The following TMEM178B variants were observed in gnomAD, a reference collection of about 807,000 sequenced individuals.
The protein encoded by TMEM178B is transmembrane protein 178B.
A neutral mutation model predicts 31.0 loss-of-function variants in TMEM178B; 5 were observed. The ratio of observed to expected loss-of-function variants is 0.16; its 90% confidence interval spans 0.08 to 0.34. The LOEUF is 0.34. TMEM178B is among the 10% of genes least tolerant of loss of function. The probability of loss-of-function intolerance (pLI) is 1.00; values close to 1 mark genes in which losing one functional copy is unlikely to be tolerated. For missense variants in TMEM178B, 275 were observed against 400.3 expected, an observed-to-expected ratio of 0.69 and a Z score of 2.67; for synonymous variants, 164 against 164.0, an observed-to-expected ratio of 1.00 and a Z score of 0.00.
intron 1 of TMEM178B, among the ~76,000 whole-genome samples, chr7:141,184,373 G>C (rs1796575328): frequency 6.6e-6 from 1 of 152,150 alleles, no homozygotes; most frequent in Admixed American, 6.5e-5. Flanking sequence ...ATTCTTCCCA[G>C]TGGGTTCAGA....
rs116379251 is a variant in TMEM178B at position 141,157,074 on chromosome 7, G to A, written c.383-55517G>A. Among the ~76,000 whole-genome samples, 1,249 of 152,280 alleles carry A rather than the reference G, an allele frequency of 8.2e-3. 20 individuals carry two copies. The highest frequency in any genetic ancestry group is 0.029 in the African/African-American group (1,186 of 41,544). ...CTGAGTATATCCTTCTCTTAGCAGTGGTGAAAGTGGAAACACGCAGTACTT... is the reference window on the plus strand; with the variant it reads ...CTGAGTATATCCTTCTCTTAGCAGTAGTGAAAGTGGAAACACGCAGTACTT... On this transcript the variant is annotated intron_variant, in intron 1 of 3. Transcript: ENST00000565468.
chr7:141,212,794 C>G (rs986134136), intron 2 of TMEM178B, 90 bp downstream of exon 2: 2 of 1,032,654 alleles, frequency 1.9e-6, no homozygotes, highest in African/African-American at 3.2e-5. Flanking sequence ...CTTCTGGGAT[C>G]TGTGGATGGT....
intron 2 of TMEM178B, among the ~76,000 whole-genome samples, chr7:141,364,851 A>G (rs866962657): frequency 1.3e-5 from 2 of 152,088 alleles, no homozygotes; most frequent in Admixed American, 6.5e-5. Flanking sequence ...GACTGAGGAT[A>G]ATGCCTGCTG....
intron 1 of TMEM178B, among the ~76,000 whole-genome samples, chr7:141,144,511 T>C (rs952038614): frequency 1.3e-5 from 2 of 152,192 alleles, no homozygotes; most frequent in African/African-American, 4.8e-5. Flanking sequence ...AGATGTGACA[T>C]GGTAGAGCAC....
At chr7:141,203,078 C>T (rs1025612581) in intron 1 of TMEM178B, among the ~76,000 whole-genome samples, 4 of 152,138 alleles carry the variant, frequency 2.6e-5, no homozygotes, top group Admixed American at 6.5e-5. Flanking sequence ...TGTGATAATG[C>T]GAATGCATCT....
intron 2 of TMEM178B, among the ~76,000 whole-genome samples, chr7:141,379,427 G>C (rs1800276073): frequency 6.6e-6 from 1 of 152,172 alleles, no homozygotes; most frequent in South Asian, 2.1e-4. Flanking sequence ...CGAAGCCGCA[G>C]TGAGCCATGA....
chr7:141,397,950 T>G (rs1800687188), intron 2 of TMEM178B, among the ~76,000 whole-genome samples: 1 of 152,108 alleles, frequency 6.6e-6, no homozygotes, highest in South Asian at 2.1e-4. Context: ...CCCTCTGGCA[T>G]CAGGGCAGCA....
chr7:141,399,726 A>G (rs1790477279), intron 2 of TMEM178B, among the ~76,000 whole-genome samples: 1 of 152,208 alleles, frequency 6.6e-6, no homozygotes, highest in East Asian at 1.9e-4. Context: ...CTTAAACTAC[A>G]TTAAAGGGAG....
chr7:141,232,337 G>A (rs1481063972), intron 2 of TMEM178B, among the ~76,000 whole-genome samples: 1 of 152,184 alleles, frequency 6.6e-6, no homozygotes, highest in Non-Finnish European at 1.5e-5. Context: ...TAATGTGATT[G>A]TTGGGTCAAG....
intron 2 of TMEM178B, among the ~76,000 whole-genome samples, chr7:141,326,487 T>C (rs1357141411): frequency 6.6e-6 from 1 of 152,180 alleles, no homozygotes; most frequent in East Asian, 1.9e-4. Context: ...TGATTGCTTG[T>C]AGTGCCTATG....
intron 1 of TMEM178B, among the ~76,000 whole-genome samples, chr7:141,109,042 C>T (rs957733463): frequency 2.6e-5 from 4 of 152,138 alleles, no homozygotes; most frequent in African/African-American, 9.7e-5. Flanking sequence ...GAGACTTATT[C>T]ACTACCATGA....
At chr7:141,342,576 C>T (rs1799533568) in intron 2 of TMEM178B, among the ~76,000 whole-genome samples, 1 of 152,182 alleles carries the variant, frequency 6.6e-6, no homozygotes. Flanking sequence ...GGGCTAGGCT[C>T]ACCTGTTAGG....
chr7:141,267,579 G>A (rs1002890446), intron 2 of TMEM178B, among the ~76,000 whole-genome samples: 3 of 152,198 alleles, frequency 2.0e-5, no homozygotes, highest in African/African-American at 4.8e-5. Context: ...CCCAGTTATG[G>A]ACTGACATCA....
chr7:141,369,095 A>G (rs1259179326), intron 2 of TMEM178B, among the ~76,000 whole-genome samples: 5 of 152,156 alleles, frequency 3.3e-5, no homozygotes, highest in Non-Finnish European at 7.4e-5. Context: ...GAAAGAAGTA[A>G]ACATCCCTTC....
chr7:141,495,253 C>T, the TMEM178B span, among the ~76,000 whole-genome samples: 4 of 152,108 alleles, frequency 2.6e-5, no homozygotes, highest in Admixed American at 1.3e-4. Context: ...ACTAGAAATG[C>T]AGGGAGCATG....
At chr7:141,416,602 G>A (rs934934277) in intron 2 of TMEM178B, among the ~76,000 whole-genome samples, 8 of 152,116 alleles carry the variant, frequency 5.3e-5, no homozygotes, top group Non-Finnish European at 1.2e-4. Context: ...CAAACACACC[G>A]TTTCCTTTGG....
chr7:141,196,922 G>T (rs543669916), intron 1 of TMEM178B, among the ~76,000 whole-genome samples: 8 of 152,276 alleles, frequency 5.3e-5, no homozygotes, highest in African/African-American at 1.9e-4. Context: ...CTGTGAGTGG[G>T]GATGGGGTGA....
At chr7:141,386,856 G>A (rs1800440134) in intron 2 of TMEM178B, among the ~76,000 whole-genome samples, 1 of 152,192 alleles carries the variant, frequency 6.6e-6, no homozygotes, top group Non-Finnish European at 1.5e-5. Flanking sequence ...GGAAGTTCCA[G>A]GGGCTCAGCA....
intron 2 of TMEM178B, among the ~76,000 whole-genome samples, chr7:141,345,848 G>T (rs1044141913): frequency 6.6e-6 from 1 of 152,124 alleles, no homozygotes; most frequent in Non-Finnish European, 1.5e-5. Flanking sequence ...AACTAAATGA[G>T]ACCTGCAATT....
Sources: gnomAD v4.1 joint callset for allele counts (sites outside exome capture counted in the v4.1 genomes callset) on GRCh38, gnomAD v4.1.1 for gene constraint, MANE v1.5 for transcripts, NCBI Gene and HGNC (gene_info 2026-07-23, HGNC 2026-07-21) for gene names.